The following TTLL11 variants were observed in gnomAD, a reference collection of about 807,000 sequenced individuals.
The protein encoded by TTLL11 is tubulin polyglutamylase TTLL11.
TTLL11 carries 42 observed loss-of-function variants against 51.7 expected under a neutral mutation model. That is an observed-to-expected ratio of 0.81 (90% CI 0.64 to 1.05). TTLL11 has a LOEUF of 1.05. Among genes scored for constraint, TTLL11 ranks in the 50% least tolerant of loss-of-function variants. TTLL11 has a pLI of 0.00. For synonymous variants in TTLL11, 381 were observed against 383.5 expected (o/e 0.99, Z 0.08); for missense variants, 799 against 940.4 (o/e 0.85, Z 1.97).
intron 3 of TTLL11, among the ~76,000 whole-genome samples, chr9:122,000,289 G>A (rs569705643): frequency 8.5e-5 from 13 of 152,096 alleles, no homozygotes; most frequent in African/African-American, 2.9e-4. Context: ...GCCTAACACG[G>A]TGAAACCCCA....
intron 3 of TTLL11, among the ~76,000 whole-genome samples, chr9:122,027,516 G>A (rs1207998912): frequency 6.6e-6 from 1 of 152,158 alleles, no homozygotes; most frequent in East Asian, 1.9e-4. Flanking sequence ...AAAGAGCATA[G>A]GTTATTTCAT....
rs566988973 is a variant in TTLL11, at chr9:121,960,265, C to G, written c.1481+13744G>C. ...TTTGCTGTACCTCAATATCCATGCACGAAGCTATAATTCATGCATTTTCAT... is the reference window on the plus strand; with the variant it reads ...TTTGCTGTACCTCAATATCCATGCAGGAAGCTATAATTCATGCATTTTCAT... On this transcript the variant is annotated intron_variant, in intron 6 of 8. Coordinates refer to ENST00000321582, the MANE Select transcript of TTLL11 (RefSeq NM_001139442.2). Among the ~76,000 whole-genome samples the G allele has an allele frequency of 3.9e-5, 6 of 152,240 alleles. No homozygotes were observed. In the East Asian group the frequency reaches 1.2e-3, roughly 29 times the overall value.
At chr9:121,921,767 A>C (rs1280447350) in intron 6 of TTLL11, among the ~76,000 whole-genome samples, 2 of 152,202 alleles carry the variant, frequency 1.3e-5, no homozygotes, top group African/African-American at 4.8e-5. Context: ...CAGATGGTGG[A>C]GAAGGGTAGA....
intron 1 of TTLL11, among the ~76,000 whole-genome samples, chr9:122,041,907 A>G (rs192859555): frequency 8.5e-5 from 13 of 152,138 alleles, no homozygotes; most frequent in African/African-American, 2.9e-4. Context: ...TTTTTTTCAA[A>G]ATAAAAAAAT....
chr9:122,062,000 C>T (rs1397507050), intron 1 of TTLL11, among the ~76,000 whole-genome samples: 2 of 152,172 alleles, frequency 1.3e-5, no homozygotes, highest in African/African-American at 2.4e-5. Context: ...TTTGAAAATT[C>T]TAAATAGGTG....
chr9:122,018,347 C>T (rs1269473975), intron 3 of TTLL11, among the ~76,000 whole-genome samples: 1 of 151,978 alleles, frequency 6.6e-6, no homozygotes, highest in African/African-American at 2.4e-5. Flanking sequence ...CTCCTGACTT[C>T]ATGATCTGCC....
At chr9:121,978,076 A>C (rs768559289) in intron 4 of TTLL11, among the ~76,000 whole-genome samples, 1 of 152,252 alleles carries the variant, frequency 6.6e-6, no homozygotes, top group Non-Finnish European at 1.5e-5. Context: ...TAGGGGAGAA[A>C]AGATCAAATA....
intron 1 of TTLL11, among the ~76,000 whole-genome samples, chr9:122,064,477 A>G (rs1377636271): frequency 6.6e-6 from 1 of 152,228 alleles, no homozygotes; most frequent in Non-Finnish European, 1.5e-5. Context: ...TTAGATGTCT[A>G]CTGTATATTG....
intron 1 of TTLL11, among the ~76,000 whole-genome samples, chr9:122,071,894 G>A (rs1718058533): frequency 6.6e-6 from 1 of 152,204 alleles, no homozygotes; most frequent in South Asian, 2.1e-4. Context: ...CTGGACACCA[G>A]CTGCTCGCCA....
At chr9:121,981,568 T>C (rs1842831250) in intron 4 of TTLL11, among the ~76,000 whole-genome samples, 1 of 152,228 alleles carries the variant, frequency 6.6e-6, no homozygotes, top group Non-Finnish European at 1.5e-5. Flanking sequence ...TGGTAAAGGT[T>C]ACCTTTTCCT....
intron 8 of TTLL11, among the ~76,000 whole-genome samples, chr9:121,826,527 A>ACG (rs1836793960): frequency 6.3e-5 from 3 of 47,822 alleles, no homozygotes; most frequent in African/African-American, 2.5e-4. Context: ...ATATATATAT[A>ACG]TGTGTGTGTG....
intron 6 of TTLL11, among the ~76,000 whole-genome samples, chr9:121,929,838 T>C (rs1840901202): frequency 6.6e-6 from 1 of 152,216 alleles, no homozygotes; most frequent in African/African-American, 2.4e-5. Context: ...GTTTGTAGAA[T>C]AAGAGGTGAG....
intron 8 of TTLL11, among the ~76,000 whole-genome samples, chr9:121,834,091 CT>C (rs1262697135): frequency 1.3e-5 from 2 of 152,188 alleles, no homozygotes; most frequent in East Asian, 3.9e-4. Flanking sequence ...TAGCTTAGTG[CT>C]TCCTATCTGT....
intron 3 of TTLL11, among the ~76,000 whole-genome samples, chr9:122,021,182 C>T (rs773563182): frequency 6.6e-6 from 1 of 152,032 alleles, no homozygotes; most frequent in African/African-American, 2.4e-5. Context: ...AGGAATTGAA[C>T]GATGTGAACC....
At chr9:121,925,454 C>T (rs188277171) in intron 6 of TTLL11, among the ~76,000 whole-genome samples, 1 of 151,696 alleles carries the variant, frequency 6.6e-6, no homozygotes, top group Admixed American at 6.6e-5. Flanking sequence ...GACCATCCTC[C>T]CCTCCGTTTT....
At chr9:121,932,523 A>T (rs1382962259) in intron 6 of TTLL11, among the ~76,000 whole-genome samples, 2 of 152,218 alleles carry the variant, frequency 1.3e-5, no homozygotes, top group East Asian at 1.9e-4. Flanking sequence ...AGGGAGGAAA[A>T]GAGACTCATC....
chr9:121,893,588 C>G (rs192387003), intron 6 of TTLL11, among the ~76,000 whole-genome samples: 1 of 152,276 alleles, frequency 6.6e-6, no homozygotes, highest in African/African-American at 2.4e-5. Context: ...AAAACATGTC[C>G]TTTCCCCACT....
chr9:122,042,012 CT>C (rs57195778), intron 1 of TTLL11, among the ~76,000 whole-genome samples: 47,076 of 137,848 alleles, frequency 0.34, 8,330 homozygotes, highest in African/African-American at 0.51. Flanking sequence ...CTCATACTTC[CT>C]TTTTTTTTTT....
At chr9:121,948,970 A>G (rs1046687691) in intron 6 of TTLL11, among the ~76,000 whole-genome samples, 2 of 152,152 alleles carry the variant, frequency 1.3e-5, no homozygotes, top group African/African-American at 4.8e-5. Flanking sequence ...TTACCAAGGC[A>G]TGGCTGCCCT....
Sources: gnomAD v4.1 joint callset for allele counts (sites outside exome capture counted in the v4.1 genomes callset) on GRCh38, gnomAD v4.1.1 for gene constraint, MANE v1.5 for transcripts, NCBI Gene and HGNC (gene_info 2026-07-23, HGNC 2026-07-21) for gene names.